The following PRDM10 variants were observed in gnomAD, a reference collection of about 807,000 sequenced individuals.
PRDM10 encodes the protein PR/SET domain 10.
Under a neutral mutation model 133.1 loss-of-function variants are expected in PRDM10, and 65 were observed. The observed-to-expected ratio is 0.49, with a 90% CI of 0.40 to 0.60. The LOEUF (loss-of-function observed/expected upper bound fraction) is 0.60. PRDM10 is among the 20% of genes least tolerant of loss of function. The probability of loss-of-function intolerance (pLI) is 0.00; values close to 1 mark genes in which losing one functional copy is unlikely to be tolerated. For synonymous variants in PRDM10, 582 were observed against 580.4 expected (o/e 1.00, Z -0.04); for missense variants, 1,137 against 1,507.1 (o/e 0.75, Z 4.07).
intron 1 of PRDM10, among the ~76,000 whole-genome samples, chr11:129,967,012 A>G (rs146210799): frequency 6.6e-6 from 1 of 152,320 alleles, no homozygotes; most frequent in East Asian, 1.9e-4. Context: ...TTGTATGCCA[A>G]AGAGTGATAT....
At position 129,923,643 on chromosome 11, in the gene PRDM10, TGAGAGA is replaced by T. The variant is rs57429782; in HGVS notation, c.1879-246_1879-241del. On this transcript the variant is annotated intron_variant, in intron 12 of 20. Transcript: ENST00000360871. The surrounding 1 kb of genome is among the most constrained non-coding windows in gnomAD (Gnocchi z 4.4). Reference sequence around the variant, plus strand: ...CGAACCTCCCCGATGACTTGAAACGTGAGAGAGAGAGAGAGAGAGAGAGAGAGAGAG... The same window carrying T: ...CGAACCTCCCCGATGACTTGAAACGTGAGAGAGAGAGAGAGAGAGAGAGAG... Among the ~76,000 whole-genome samples the T allele has an allele frequency of 0.042, 2,770 of 65,812 alleles. 28 individuals are homozygous for T. The highest frequency in any genetic ancestry group is 0.054 in the Middle Eastern group (4 of 74). 43.2% of individuals were successfully genotyped at this position (65,812 alleles called of 152,430 possible). A position where few individuals can be genotyped will look rare whatever the true frequency, so the allele number is the denominator to read the frequency against.
At chr11:129,970,638 G>T (rs1952000576) in intron 1 of PRDM10, among the ~76,000 whole-genome samples, 1 of 151,362 alleles carries the variant, frequency 6.6e-6, no homozygotes, top group Admixed American at 6.6e-5. Context: ...TCCGCCTCTT[G>T]GGTTTAGGGG....
At chr11:129,963,724 CAAG>C (rs905635003) in intron 1 of PRDM10, among the ~76,000 whole-genome samples, 2 of 152,238 alleles carry the variant, frequency 1.3e-5, no homozygotes, top group African/African-American at 2.4e-5. Context: ...TTCTTAAAAA[CAAG>C]AAGATTTTCT....
Position 130,002,755 on chromosome 11 carries a change from G to T in PRDM10, c.-152C>A. On this transcript the variant is annotated 5_prime_UTR_variant, in exon 1 of 21. Transcript: ENST00000360871. ...GGGTGAGGGGAGCTGGAAGATCAGC[G>T]GGTCCCCGATCCTCTCTCCCTAGGG... The T allele has an allele frequency of 6.1e-6, 1 of 164,176 alleles. No individual in the cohort carries two copies. The highest frequency in any genetic ancestry group is 1.1e-4 in the South Asian group (1 of 8,786). The allele number at this position is 164,176 out of a possible 1,614,324, so 10.2% of individuals were successfully genotyped here. A position where few individuals can be genotyped will look rare whatever the true frequency, so the allele number is the denominator to read the frequency against.
At position 129,987,687 on chromosome 11, in the gene PRDM10, G is replaced by T. The variant is rs148293784; in HGVS notation, c.-119+15035C>A. ...GAAAATATGGTATATCCATATAATGGAATATTATTTGACCATAAAAAGGAA... is the reference window on the plus strand; with the variant it reads ...GAAAATATGGTATATCCATATAATGTAATATTATTTGACCATAAAAAGGAA... On this transcript the variant is annotated intron_variant, in intron 1 of 20. Transcript: ENST00000360871. 3.3e-5 allele frequency among the ~76,000 whole-genome samples: 5 copies of T among 152,272 alleles called. No individual in the cohort carries two copies. In the East Asian group the frequency reaches 9.6e-4, roughly 29 times the overall value.
rs577010098 is a variant in PRDM10, at chr11:129,980,478, T to C, written c.-118-19396A>G. Among the ~76,000 whole-genome samples the C allele has an allele frequency of 7.9e-5, 12 of 152,154 alleles. No homozygotes were observed. The South Asian group carries it at 2.5e-3, about 32-fold the overall frequency. On this transcript the variant is annotated intron_variant, in intron 1 of 20. Transcript: ENST00000360871. Reference sequence around the variant, plus strand: ...TGAGAATCTAACTAATGCCTGATGATCTGAGGCATTAGTTAGATTCTCAGC... The same window carrying C: ...TGAGAATCTAACTAATGCCTGATGACCTGAGGCATTAGTTAGATTCTCAGC...
At chr11:129,965,533 C>T (rs1402271544) in intron 1 of PRDM10, among the ~76,000 whole-genome samples, 2 of 152,096 alleles carry the variant, frequency 1.3e-5, no homozygotes, top group African/African-American at 4.8e-5. Context: ...GAATGGACAG[C>T]CACAGCTATA....
chr11:129,905,623 A>C lies in PRDM10; in HGVS notation c.3267+15T>G. On this transcript the variant is annotated intron_variant, in intron 20 of 20. Coordinates refer to ENST00000360871, the MANE Select transcript of PRDM10 (RefSeq NM_199437.2). Reference sequence around the variant, plus strand: ...AGGTTGGACAGGAAAAACCCGACCGAGTAGCGTAGCTTACCGAAGTAACCG... The same window carrying C: ...AGGTTGGACAGGAAAAACCCGACCGCGTAGCGTAGCTTACCGAAGTAACCG... 2 of 1,605,178 alleles carry C rather than the reference A, an allele frequency of 1.2e-6. No individual in the cohort carries two copies. The highest frequency in any genetic ancestry group is 4.5e-5 in the East Asian group (2 of 44,820).
At chr11:129,955,652 C>T in intron 3 of PRDM10, 81 bp from the exon 4 acceptor site, 1 of 1,333,718 alleles carries the variant, frequency 7.5e-7, no homozygotes, top group Non-Finnish European at 1.1e-6. Context: ...TACTGCTAAG[C>T]ACCAATTTTT....
At chr11:129,916,278 T>C (rs1950354076) in intron 15 of PRDM10, among the ~76,000 whole-genome samples, 1 of 152,216 alleles carries the variant, frequency 6.6e-6, no homozygotes, top group East Asian at 1.9e-4. Flanking sequence ...GCAACGTCAA[T>C]AGCAACTGCT....
At chr11:129,956,445 TC>T (rs1168463672) in intron 3 of PRDM10, among the ~76,000 whole-genome samples, 1 of 152,090 alleles carries the variant, frequency 6.6e-6, no homozygotes, top group African/African-American at 2.4e-5. Context: ...GTGCCTGTAA[TC>T]CCAGTTGCTT....
Position 129,945,262 on chromosome 11 carries a change from T to C in PRDM10, c.521-250A>G, listed in dbSNP as rs575241361. Among the ~76,000 whole-genome samples the C allele has an allele frequency of 2.0e-5, 3 of 152,312 alleles. No homozygotes were observed. The highest frequency in any genetic ancestry group is 7.2e-5 in the African/African-American group (3 of 41,564). On this transcript the variant is annotated intron_variant, in intron 5 of 20. Coordinates refer to ENST00000360871, the MANE Select transcript of PRDM10 (RefSeq NM_199437.2). This position sits in a 1 kb window ranked among gnomAD's most constrained non-coding sequence, Gnocchi z 4.2. ...AAACAACTAGCAGGCCATGACTGAC[T>C]TCTTTGCTGGAGAGTCCTTTGAATA...
At chr11:129,913,064 A>C (rs375486164) in intron 17 of PRDM10, among the ~76,000 whole-genome samples, 1,633 of 151,616 alleles carry the variant, frequency 0.011, 36 homozygotes, top group African/African-American at 0.038. Flanking sequence ...CATCTCAAAA[A>C]AAAAAAATAG....
At chr11:129,948,790 C>T (rs987515825) in intron 4 of PRDM10, among the ~76,000 whole-genome samples, 2 of 152,182 alleles carry the variant, frequency 1.3e-5, no homozygotes, top group African/African-American at 2.4e-5. Flanking sequence ...TCATTTATTT[C>T]GCAGTGGATT....
Position 129,923,548 on chromosome 11 carries a change from T to C in PRDM10, c.1879-145A>G, listed in dbSNP as rs1239371838. 2.8e-5 allele frequency: 24 copies of C among 847,288 alleles called. No homozygotes were observed. In the Admixed American group the frequency reaches 6.9e-4, roughly 24 times the overall value. The allele number at this position is 847,288 out of a possible 1,614,324, so 52.5% of individuals were successfully genotyped here. ...CGAGGAATCCAATCAGATGTGATAA[T>C]TGGCCTCAATAACACATACTGTCCC... On this transcript the variant is annotated intron_variant, in intron 12 of 20. Coordinates refer to ENST00000360871, the MANE Select transcript of PRDM10 (RefSeq NM_199437.2). This position sits in a 1 kb window ranked among gnomAD's most constrained non-coding sequence, Gnocchi z 4.4.
intron 1 of PRDM10, among the ~76,000 whole-genome samples, 184 bp downstream of exon 1, chr11:130,002,538 C>T (rs563293835): frequency 6.6e-6 from 1 of 152,056 alleles, no homozygotes; most frequent in Admixed American, 6.5e-5. Flanking sequence ...TTCTCCCCCC[C>T]ACCACCACCA....
intron 6 of PRDM10, among the ~76,000 whole-genome samples, chr11:129,944,510 G>A (rs1299857403): frequency 5.9e-5 from 9 of 151,684 alleles, no homozygotes; most frequent in South Asian, 2.1e-4. Flanking sequence ...GCGTGAACCC[G>A]GAAGGCGGAG....
intron 1 of PRDM10, among the ~76,000 whole-genome samples, chr11:129,994,465 CA>C (rs1187507792): frequency 0.028 from 2,189 of 79,502 alleles, 31 homozygotes; most frequent in African/African-American, 0.073. Flanking sequence ...AACTCTGCCT[CA>C]AAAAAAAAAA....
At chr11:129,972,744 T>C (rs1363273475) in intron 1 of PRDM10, among the ~76,000 whole-genome samples, 1 of 152,230 alleles carries the variant, frequency 6.6e-6, no homozygotes, top group African/African-American at 2.4e-5. Flanking sequence ...TAGCTTTGTC[T>C]TTCTTTCTTT....
Sources: gnomAD v4.1 joint callset for allele counts (sites outside exome capture counted in the v4.1 genomes callset) on GRCh38, gnomAD v4.1.1 for gene constraint, Gnocchi (gnomAD v3.1) non-coding constraint, MANE v1.5 for transcripts, NCBI Gene and HGNC (gene_info 2026-07-23, HGNC 2026-07-21) for gene names.